The following MICU3 variants were observed in gnomAD, a reference collection of about 807,000 sequenced individuals.
MICU3 encodes the protein calcium uptake protein 3, mitochondrial.
MICU3 carries 62 observed loss-of-function variants against 66.5 expected under a neutral mutation model. The observed-to-expected ratio is 0.93, with a 90% CI of 0.76 to 1.15. The LOEUF (loss-of-function observed/expected upper bound fraction) is 1.15. MICU3 is among the 50% of genes most tolerant of loss of function. MICU3 has a pLI of 0.00. For synonymous variants in MICU3, 308 were observed against 240.7 expected, an observed-to-expected ratio of 1.28 and a Z score of -2.59; for missense variants, 779 against 664.4, an observed-to-expected ratio of 1.17 and a Z score of -1.90.
chr8:17,117,339 G>T (rs1802778751), intron 13 of MICU3, among the ~76,000 whole-genome samples: 1 of 151,946 alleles, frequency 6.6e-6, no homozygotes. Context: ...TTATGTTACT[G>T]CATAATCATT....
intron 1 of MICU3, among the ~76,000 whole-genome samples, chr8:17,036,445 C>T (rs949650451): frequency 6.6e-6 from 1 of 152,132 alleles, no homozygotes; most frequent in Non-Finnish European, 1.5e-5. Flanking sequence ...ATTCTCTTAT[C>T]TGGCCCCATC....
chr8:17,082,796 GTTATTC>G (rs1202202799), intron 5 of MICU3, among the ~76,000 whole-genome samples: 1 of 152,144 alleles, frequency 6.6e-6, no homozygotes, highest in African/African-American at 2.4e-5. Flanking sequence ...ACACCACTGT[GTTATTC>G]TTAACTTTGT....
At chr8:17,101,411 T>C (rs1194034138) in intron 9 of MICU3, among the ~76,000 whole-genome samples, 1 of 151,804 alleles carries the variant, frequency 6.6e-6, no homozygotes, top group African/African-American at 2.4e-5. Context: ...TTTCACTGAA[T>C]GGGGGAAAAG....
At chr8:17,037,860 A>G (rs1337519557) in intron 1 of MICU3, among the ~76,000 whole-genome samples, 1 of 152,192 alleles carries the variant, frequency 6.6e-6, no homozygotes, top group Admixed American at 6.5e-5. Flanking sequence ...GATGTGAGAC[A>G]TGGAGTCAAA....
rs1196139538 is a variant in MICU3 at position 17,077,864 on chromosome 8, G to A, written c.646+3G>A. On this transcript the variant is annotated splice_donor_region_variant and intron_variant, in intron 4 of 14. Transcript: ENST00000318063. The stretch of plus-strand genomic sequence containing the variant: ...ATTTCGAAATCTTAAAGAAAAAGGT[G>A]AGTTAACCTTAGTACTTGTTCTTTT... The A allele has an allele frequency of 6.3e-7, 1 of 1,594,772 alleles. No individual in the cohort carries two copies. Among genetic ancestry groups the A allele is most frequent in the African/African-American group, 1.3e-5 (1 of 74,426 alleles).
chr8:17,101,938 G>A (rs1018635684), intron 9 of MICU3, among the ~76,000 whole-genome samples: 1 of 151,832 alleles, frequency 6.6e-6, no homozygotes, highest in African/African-American at 2.4e-5. Flanking sequence ...ACTAGTCAGA[G>A]GGCTAAATGA....
chr8:17,098,644 C>A, intron 9 of MICU3, 91 bp downstream of exon 9: 1 of 826,164 alleles, frequency 1.2e-6, no homozygotes, highest in Non-Finnish European at 2.1e-6. Flanking sequence ...TGAAACCCAA[C>A]ATGTATGTTA....
intron 1 of MICU3, among the ~76,000 whole-genome samples, chr8:17,062,306 G>A (rs142728319): frequency 0.01 from 1,567 of 152,102 alleles, 14 homozygotes; most frequent in Middle Eastern, 0.031. Context: ...AACCCATTCC[G>A]TTTCTCTGTT....
At chr8:17,053,087 A>G (rs891401339) in intron 1 of MICU3, among the ~76,000 whole-genome samples, 7 of 152,182 alleles carry the variant, frequency 4.6e-5, no homozygotes, top group African/African-American at 1.7e-4. Flanking sequence ...AAAGAAACTA[A>G]TAAGGATGAG....
At chr8:17,079,053 A>G (rs1236279185) in intron 4 of MICU3, among the ~76,000 whole-genome samples, 1 of 152,176 alleles carries the variant, frequency 6.6e-6, no homozygotes, top group Non-Finnish European at 1.5e-5. Context: ...AAAATAATGC[A>G]TAGAAGAAAG....
At chr8:17,046,013 T>C (rs2150548536) in intron 1 of MICU3, among the ~76,000 whole-genome samples, 1 of 152,314 alleles carries the variant, frequency 6.6e-6, no homozygotes, top group Middle Eastern at 3.4e-3. Flanking sequence ...CCATAGCATC[T>C]CTTCATCTGT....
At position 17,090,557 on chromosome 8, in the gene MICU3, T is replaced by G. The variant is rs1563362058; in HGVS notation, c.861T>G (p.Leu287=). The change falls in exon 8 of 15, where the codon CTT becomes CTG. Residue 287 remains leucine, a synonymous_variant. Coordinates refer to ENST00000318063, the MANE Select transcript of MICU3 (RefSeq NM_181723.3). Reference sequence around the variant, plus strand: ...GTGCTCTATGTCAGCGTCTTCAACTTTATGGATACCATTCTCCTACTAATA... The same window carrying G: ...GTGCTCTATGTCAGCGTCTTCAACTGTATGGATACCATTCTCCTACTAATA... The part of the protein sequence containing the change: ...EEKRAMLRLQ[L]YGYHSPTNSV... The G allele has an allele frequency of 3.1e-6, 5 of 1,611,542 alleles. No homozygotes were observed. In the African/African-American group the frequency reaches 5.4e-5, roughly 17 times the overall value.
chr8:17,028,837 A>G (rs1207495954), intron 1 of MICU3, among the ~76,000 whole-genome samples: 2 of 152,044 alleles, frequency 1.3e-5, no homozygotes, highest in Non-Finnish European at 2.9e-5. Context: ...GGCAAGGAGC[A>G]TAGCGTTTTT....
At chr8:17,036,730 G>A (rs1016262302) in intron 1 of MICU3, among the ~76,000 whole-genome samples, 3 of 152,236 alleles carry the variant, frequency 2.0e-5, no homozygotes, top group Admixed American at 1.3e-4. Flanking sequence ...GTCCCCACCA[G>A]ACTCAGGAGC....
At chr8:17,115,725 G>C (rs76811344) in intron 12 of MICU3, among the ~76,000 whole-genome samples, 341 of 152,124 alleles carry the variant, frequency 2.2e-3, no homozygotes, top group African/African-American at 8.0e-3. Flanking sequence ...ATCTGCAATG[G>C]AAAACTCTTA....
At chr8:17,036,932 T>C (rs577109376) in intron 1 of MICU3, among the ~76,000 whole-genome samples, 281 of 152,330 alleles carry the variant, frequency 1.8e-3, no homozygotes, top group African/African-American at 6.6e-3. Flanking sequence ...GGCTCAGGCA[T>C]GGCGGGCTGC....
chr8:17,113,378 A>C (rs149645482), intron 11 of MICU3, among the ~76,000 whole-genome samples: 28 of 152,354 alleles, frequency 1.8e-4, no homozygotes, highest in African/African-American at 6.3e-4. Flanking sequence ...CATTGTACTT[A>C]TTTCAAAGAC....
downstream of MICU3, among the ~76,000 whole-genome samples, chr8:17,123,256 G>C (rs1432679934): frequency 6.6e-6 from 1 of 152,086 alleles, no homozygotes; most frequent in African/African-American, 2.4e-5. Flanking sequence ...AGCATAATCA[G>C]TATTTTTGGC....
chr8:17,060,327 C>A (rs543481095), intron 1 of MICU3, among the ~76,000 whole-genome samples: 1 of 151,136 alleles, frequency 6.6e-6, no homozygotes, highest in African/African-American at 2.4e-5. Flanking sequence ...GACAGAGTCT[C>A]GTGCTGTCGA....
Sources: allele counts gnomAD v4.1 joint callset (sites outside exome capture counted in the v4.1 genomes callset), GRCh38; gene constraint gnomAD v4.1.1; transcripts MANE v1.5; gene names NCBI Gene and HGNC (gene_info 2026-07-23, HGNC 2026-07-21).